Variants in TENM3 observed in about 807,000 individuals in gnomAD.
TENM3 encodes teneurin transmembrane protein 3, also known as teneurin-3.
In TENM3, 63 loss-of-function variants were observed where a neutral mutation model predicts 255.1. The observed-to-expected ratio is 0.25, with a 90% CI of 0.20 to 0.30. The LOEUF is 0.30. Among genes scored for constraint, TENM3 ranks in the 10% least tolerant of loss-of-function variants. The pLI, the probability that TENM3 is intolerant of heterozygous loss-of-function variation, is 1.00. For synonymous variants in TENM3, 1,306 were observed against 1,322.3 expected, an observed-to-expected ratio of 0.99 and a Z score of 0.27; for missense variants, 2,929 against 3,461.1, an observed-to-expected ratio of 0.85 and a Z score of 3.86.
chr4:181,742,527 A>G, the TENM3 span, among the ~76,000 whole-genome samples: 12 of 152,108 alleles, frequency 7.9e-5, no homozygotes, highest in Non-Finnish European at 1.5e-5. Context: ...TGGGGCTTAT[A>G]TTCTTGTGGG....
At chr4:182,302,220 C>T (rs1761893905) in intron 1 of TENM3, among the ~76,000 whole-genome samples, 1 of 152,162 alleles carries the variant, frequency 6.6e-6, no homozygotes. Context: ...TTTTCACGCC[C>T]CACCCCACCT....
chr4:182,253,016 G>A (rs966807399), intron 1 of TENM3, among the ~76,000 whole-genome samples: 9 of 152,150 alleles, frequency 5.9e-5, no homozygotes, highest in African/African-American at 1.2e-4. Context: ...CGGCAGACAC[G>A]AAACTACCTC....
the TENM3 span, among the ~76,000 whole-genome samples, chr4:181,918,709 A>G: frequency 6.6e-6 from 1 of 152,218 alleles, no homozygotes; most frequent in South Asian, 2.1e-4. Context: ...CTCCTTTAAA[A>G]AAAAAGAAGT....
At chr4:182,609,659 G>A (rs1201506642) in intron 4 of TENM3, among the ~76,000 whole-genome samples, 3 of 152,236 alleles carry the variant, frequency 2.0e-5, no homozygotes, top group South Asian at 4.1e-4. Context: ...TATTGCTACC[G>A]TCTGGTCATG....
chr4:181,942,732 T>G, the TENM3 span, among the ~76,000 whole-genome samples: 23 of 152,232 alleles, frequency 1.5e-4, no homozygotes, highest in African/African-American at 5.5e-4. Context: ...TCTTAAAGTC[T>G]ATTTAGATTG....
At chr4:181,747,273 A>G in the TENM3 span, among the ~76,000 whole-genome samples, 1 of 152,022 alleles carries the variant, frequency 6.6e-6, no homozygotes, top group African/African-American at 2.4e-5. Context: ...ATATGTTTTC[A>G]TCTGTTTATT....
Position 182,793,907 on chromosome 4 carries a change from C to G in TENM3, c.7213+22C>G. The stretch of plus-strand genomic sequence containing the variant: ...ACAGGTAAGCATTTTGATTCCTTCC[C>G]AAGAGCTGGAGGACTACCATCATTA... On this transcript the variant is annotated intron_variant, in intron 26 of 27. Transcript: ENST00000511685. The surrounding 1 kb of genome is among the most constrained non-coding windows in gnomAD (Gnocchi z 5.7). The G allele has an allele frequency of 6.4e-7, 1 of 1,569,702 alleles. No individual in the cohort carries two copies. The highest frequency in any genetic ancestry group is 8.6e-7 in the Non-Finnish European group (1 of 1,157,190).
At chr4:182,546,101 G>A (rs1157774680) in intron 3 of TENM3, among the ~76,000 whole-genome samples, 1 of 152,220 alleles carries the variant, frequency 6.6e-6, no homozygotes, top group Admixed American at 6.5e-5. Context: ...TTAAGTGGAA[G>A]TGGGTCATCA....
chr4:181,949,214 C>T, the TENM3 span, among the ~76,000 whole-genome samples: 2 of 152,184 alleles, frequency 1.3e-5, no homozygotes, highest in African/African-American at 4.8e-5. Flanking sequence ...GGTAACCGTT[C>T]ATGAGCAATT....
intron 3 of TENM3, among the ~76,000 whole-genome samples, chr4:182,397,167 ACT>A (rs1768884805): frequency 6.6e-6 from 1 of 151,382 alleles, no homozygotes; most frequent in Non-Finnish European, 1.5e-5. Context: ...GGACAGGGAG[ACT>A]CTGACTCAGT....
At chr4:181,601,511 C>G in the TENM3 span, among the ~76,000 whole-genome samples, 5 of 152,134 alleles carry the variant, frequency 3.3e-5, no homozygotes, top group African/African-American at 1.2e-4. Context: ...GCACACATCC[C>G]TGGTATCTCT....
chr4:182,594,766 C>G (rs1482351603), intron 3 of TENM3, among the ~76,000 whole-genome samples: 3 of 150,316 alleles, frequency 2.0e-5, no homozygotes, highest in Non-Finnish European at 4.4e-5. Flanking sequence ...GTTACCCAGA[C>G]TGGAGTGCAG....
the TENM3 span, among the ~76,000 whole-genome samples, chr4:181,904,513 C>T: frequency 3.9e-5 from 6 of 152,074 alleles, no homozygotes; most frequent in Non-Finnish European, 7.4e-5. Context: ...ATTCAAAAAA[C>T]GATTCCAAGG....
At chr4:181,805,024 C>T in the TENM3 span, among the ~76,000 whole-genome samples, 1 of 152,166 alleles carries the variant, frequency 6.6e-6, no homozygotes, top group African/African-American at 2.4e-5. Flanking sequence ...TAAGCATCTG[C>T]TTCTCTCTGC....
intron 3 of TENM3, among the ~76,000 whole-genome samples, chr4:182,505,553 A>G (rs1252921096): frequency 6.6e-6 from 1 of 152,026 alleles, no homozygotes; most frequent in Non-Finnish European, 1.5e-5. Flanking sequence ...ACCTCAGCTC[A>G]CTGCAACCTC....
chr4:181,460,000 G>A, the TENM3 span, among the ~76,000 whole-genome samples: 1 of 151,776 alleles, frequency 6.6e-6, no homozygotes, highest in Admixed American at 6.6e-5. Context: ...ATTCAACAAT[G>A]TTTTGCAGTT....
intron 1 of TENM3, among the ~76,000 whole-genome samples, chr4:182,287,915 C>T (rs1315038999): frequency 1.3e-5 from 2 of 150,658 alleles, no homozygotes; most frequent in Non-Finnish European, 3.0e-5. Context: ...CCGTGCCTGG[C>T]ATATTTTTGT....
chr4:182,622,646 AT>A (rs1750406692), intron 4 of TENM3, among the ~76,000 whole-genome samples: 1 of 152,214 alleles, frequency 6.6e-6, no homozygotes, highest in Non-Finnish European at 1.5e-5. Flanking sequence ...GGTTTTTATA[AT>A]TTCCAGCCTT....
chr4:182,325,213 G>A (rs931524847), intron 2 of TENM3, among the ~76,000 whole-genome samples: 3 of 152,128 alleles, frequency 2.0e-5, no homozygotes, highest in African/African-American at 7.2e-5. Flanking sequence ...TCACCGTACA[G>A]ACAGTGTGAC....
Sources: gnomAD v4.1 joint callset for allele counts (sites outside exome capture counted in the v4.1 genomes callset) on GRCh38, gnomAD v4.1.1 for gene constraint, Gnocchi (gnomAD v3.1) non-coding constraint, MANE v1.5 for transcripts, NCBI Gene and HGNC (gene_info 2026-07-23, HGNC 2026-07-21) for gene names.